DAP: variants seen among roughly 807,000 people sequenced by gnomAD.
The protein encoded by DAP is death-associated protein 1.
DAP carries 8 observed loss-of-function variants against 13.8 expected under a neutral mutation model. That is an observed-to-expected ratio of 0.58 (90% CI 0.34 to 1.05). DAP has a LOEUF of 1.05. DAP is among the 50% of genes least tolerant of loss of function. The probability of loss-of-function intolerance (pLI) is 0.03; values close to 1 mark genes in which losing one functional copy is unlikely to be tolerated. For missense variants in DAP, 106 were observed against 133.2 expected (o/e 0.80, Z 1.01); for synonymous variants, 47 against 47.5 (o/e 0.99, Z 0.04).
chr5:10,679,674 T>C lies in DAP; in HGVS notation c.*1382A>G, dbSNP rs1308840600. Reference sequence around the variant, plus strand: ...GGGTACATGCCGGCTTCCCTTAAGTTGATTAGATGGGAAACCAAACACCGT... The same window carrying C: ...GGGTACATGCCGGCTTCCCTTAAGTCGATTAGATGGGAAACCAAACACCGT... On this transcript the variant is annotated 3_prime_UTR_variant, in exon 4 of 4. Coordinates refer to ENST00000230895, the MANE Select transcript of DAP (RefSeq NM_004394.3). 6.6e-6 allele frequency: 1 copy of C among 152,378 alleles called. No individual in the cohort carries two copies. The highest frequency in any genetic ancestry group is 1.9e-4 in the East Asian group (1 of 5,338). The allele number at this position is 152,378 out of a possible 1,614,324, so 9.4% of individuals were successfully genotyped here.
intron 2 of DAP, among the ~76,000 whole-genome samples, chr5:10,746,333 G>GTTTT (rs558797485): frequency 4.3e-5 from 6 of 138,932 alleles, no homozygotes; most frequent in African/African-American, 1.6e-4. Context: ...TTTTTTTTTT[G>GTTTT]TTTTTTTTTT....
At chr5:10,698,353 T>G (rs1252370377) in intron 2 of DAP, among the ~76,000 whole-genome samples, 1 of 150,622 alleles carries the variant, frequency 6.6e-6, no homozygotes, top group Non-Finnish European at 1.5e-5. Context: ...CAACCAATTC[T>G]GCTTACTTTC....
At chr5:10,704,700 T>C (rs544738500) in intron 2 of DAP, among the ~76,000 whole-genome samples, 16 of 152,306 alleles carry the variant, frequency 1.1e-4, no homozygotes, top group African/African-American at 3.1e-4. Flanking sequence ...TCTGGGTTAA[T>C]AGAACTGAGC....
chr5:10,753,615 C>A (rs769732279), intron 1 of DAP, among the ~76,000 whole-genome samples: 2 of 152,182 alleles, frequency 1.3e-5, no homozygotes, highest in Non-Finnish European at 2.9e-5. Flanking sequence ...AAGATGCAGT[C>A]ACTGGTGGCT....
chr5:10,716,349 T>G (rs1009764493), intron 2 of DAP, among the ~76,000 whole-genome samples: 1 of 152,008 alleles, frequency 6.6e-6, no homozygotes, highest in Non-Finnish European at 1.5e-5. Context: ...TAAGAAAAAA[T>G]AATATTTTTT....
intron 2 of DAP, among the ~76,000 whole-genome samples, chr5:10,717,350 C>T (rs1739016471): frequency 6.6e-6 from 1 of 152,168 alleles, no homozygotes; most frequent in South Asian, 2.1e-4. Flanking sequence ...TCGTGCACAG[C>T]CTCGCCAGGT....
rs117350439 is a variant in DAP, at chr5:10,699,224, G to A, written c.153-15653C>T. Among the ~76,000 whole-genome samples, 526 of 152,272 alleles carry A rather than the reference G, an allele frequency of 3.5e-3. 5 individuals carry two copies. The highest frequency in any genetic ancestry group is 0.03 in the East Asian group (157 of 5,178). On this transcript the variant is annotated intron_variant, in intron 2 of 3. Coordinates refer to ENST00000230895, the MANE Select transcript of DAP (RefSeq NM_004394.3). Reference sequence around the variant, plus strand: ...CTTACCTATCTGTCTGTCTGTCTACGGTGTTTATAAGTATCAAGCATGCCT... The same window carrying A: ...CTTACCTATCTGTCTGTCTGTCTACAGTGTTTATAAGTATCAAGCATGCCT...
chr5:10,686,137 C>G (rs763749906), intron 2 of DAP, among the ~76,000 whole-genome samples: 1 of 152,170 alleles, frequency 6.6e-6, no homozygotes, highest in Non-Finnish European at 1.5e-5. Flanking sequence ...CACCACGAAC[C>G]GTGCCCATAT....
At chr5:10,751,661 T>C (rs1282498408) in intron 1 of DAP, among the ~76,000 whole-genome samples, 1 of 152,186 alleles carries the variant, frequency 6.6e-6, no homozygotes, top group Non-Finnish European at 1.5e-5. Context: ...AGAGAGGGTC[T>C]TAAAAGACAA....
Position 10,680,715 on chromosome 5 carries a change from G to T in DAP, c.*341C>A. 1.3e-6 allele frequency: 2 copies of T among 1,533,436 alleles called. No homozygotes were observed. Among genetic ancestry groups the T allele is most frequent in the East Asian group, 2.4e-5 (1 of 41,020 alleles). The allele number at this position is 1,533,436 out of a possible 1,614,324, so 95.0% of individuals were successfully genotyped here. A position where few individuals can be genotyped will look rare whatever the true frequency, so the allele number is the denominator to read the frequency against. Reference sequence around the variant, plus strand: ...ACCTTAATCTCATCTTCTCAAATGTGTGCCTTCTTGTTTTTAAGACCATAG... The same window carrying T: ...ACCTTAATCTCATCTTCTCAAATGTTTGCCTTCTTGTTTTTAAGACCATAG... On this transcript the variant is annotated 3_prime_UTR_variant, in exon 4 of 4. Transcript: ENST00000230895.
At chr5:10,751,922 TTTG>T (rs1342352740) in intron 1 of DAP, among the ~76,000 whole-genome samples, 1 of 152,244 alleles carries the variant, frequency 6.6e-6, no homozygotes, top group Non-Finnish European at 1.5e-5. Flanking sequence ...TCTGTGGTAT[TTTG>T]TTAAGGCAGG....
intron 2 of DAP, among the ~76,000 whole-genome samples, chr5:10,699,950 A>C (rs1380707170): frequency 1.3e-5 from 2 of 152,248 alleles, no homozygotes; most frequent in Non-Finnish European, 2.9e-5. Context: ...CCTGTTATTC[A>C]CAAAGTGAGG....
intron 2 of DAP, among the ~76,000 whole-genome samples, chr5:10,695,222 C>A (rs1738403999): frequency 6.6e-6 from 1 of 152,338 alleles, no homozygotes; most frequent in Middle Eastern, 3.4e-3. Context: ...GCACTGACAA[C>A]ATTTCCACAA....
chr5:10,711,699 C>A (rs368686584), intron 2 of DAP, among the ~76,000 whole-genome samples: 1 of 152,198 alleles, frequency 6.6e-6, no homozygotes, highest in South Asian at 2.1e-4. Context: ...CTGGGTGGGA[C>A]GTCTGTTTAC....
chr5:10,741,213 C>T (rs368278224), intron 2 of DAP, among the ~76,000 whole-genome samples: 1 of 151,996 alleles, frequency 6.6e-6, no homozygotes, highest in Admixed American at 6.6e-5. Flanking sequence ...ATTTGCTGAG[C>T]GTGGTGGTGT....
intron 1 of DAP, among the ~76,000 whole-genome samples, chr5:10,758,577 T>A (rs1561039047): frequency 6.6e-6 from 1 of 152,168 alleles, no homozygotes; most frequent in African/African-American, 2.4e-5. Flanking sequence ...GGAGTTTACC[T>A]GGGGGATGAA....
At chr5:10,760,873 G>T in intron 1 of DAP, 141 bp downstream of exon 1, 2 of 413,876 alleles carry the variant, frequency 4.8e-6, no homozygotes, top group Non-Finnish European at 3.7e-6. Flanking sequence ...TCCGCGGCCC[G>T]CGCCCCTCGG....
At chr5:10,699,225 G>T (rs1383426714) in intron 2 of DAP, among the ~76,000 whole-genome samples, 7 of 152,188 alleles carry the variant, frequency 4.6e-5, no homozygotes, top group Non-Finnish European at 1.0e-4. Context: ...TCTGTCTACG[G>T]TGTTTATAAG....
chr5:10,709,060 C>T (rs994372553), intron 2 of DAP, among the ~76,000 whole-genome samples: 3 of 152,228 alleles, frequency 2.0e-5, no homozygotes, highest in Non-Finnish European at 2.9e-5. Flanking sequence ...ATCTCCTCTA[C>T]GAGGAATTCA....
Sources: gnomAD v4.1 joint callset for allele counts (sites outside exome capture counted in the v4.1 genomes callset) on GRCh38, gnomAD v4.1.1 for gene constraint, MANE v1.5 for transcripts, NCBI Gene and HGNC (gene_info 2026-07-23, HGNC 2026-07-21) for gene names.